Variants in OTUD7B observed in about 807,000 individuals in gnomAD.
OTUD7B encodes the protein OTU deubiquitinase 7B.
A neutral mutation model predicts 82.2 loss-of-function variants in OTUD7B; 34 were observed. The observed-to-expected ratio is 0.41, with a 90% confidence interval of 0.31 to 0.55. OTUD7B has a LOEUF of 0.55. Among genes scored for constraint, OTUD7B ranks in the 20% least tolerant of loss-of-function variants. The pLI is 0.20. For synonymous variants in OTUD7B, 398 were observed against 402.7 expected (o/e 0.99, Z 0.14); for missense variants, 944 against 1,062.1 (o/e 0.89, Z 1.55).
rs587757032 is a variant in OTUD7B, at chr1:149,943,567, A to G, written c.*290T>C. On this transcript the variant is annotated 3_prime_UTR_variant, in exon 12 of 12. Transcript: ENST00000581312. The stretch of plus-strand genomic sequence containing the variant: ...CTGCTACTTTCTCTTAGGTCCCTGG[A>G]TGGGACCCAGGAGGTTATAAGACAG... 11 of 312,858 alleles carry G rather than the reference A, an allele frequency of 3.5e-5. No individual in the cohort carries two copies. In the South Asian group the frequency reaches 6.9e-4, roughly 20 times the overall value. The allele number at this position is 312,858 out of a possible 1,614,324, so 19.4% of individuals were successfully genotyped here.
rs373718380 is a variant in OTUD7B at position 149,971,155 on chromosome 1, C to T, written c.182G>A (p.Gly61Asp). The T allele has an allele frequency of 6.2e-7, 1 of 1,613,734 alleles. No individual in the cohort carries two copies. Among genetic ancestry groups the T allele is most frequent in the African/African-American group, 1.3e-5 (1 of 74,882 alleles). ...NLPPSFSEGS[G>D]GSRTPEKGFS... ...CCCTTTTTCAGGGGTCCTGGAGCCA[C>T]CACTCCCCTCACTAAAGGATGGGGG... Residue 61 changes from glycine (G) to aspartate (D), a missense_variant, in exon 3 of 12, where the codon GGT becomes GAT. This residue lies in a region of OTUD7B where 530 missense variants were observed against 625.6 expected (regional missense o/e 0.85). Transcript: ENST00000581312.
chr1:150,013,939 T>TATAC (rs1653181639), upstream of OTUD7B, among the ~76,000 whole-genome samples: 1 of 99,992 alleles, frequency 1.0e-5, no homozygotes, highest in African/African-American at 3.8e-5. Context: ...AAAAAAATAA[T>TATAC]ATATATATAC....
intron 1 of OTUD7B, among the ~76,000 whole-genome samples, chr1:150,006,726 C>T (rs587752010): frequency 2.6e-4 from 40 of 152,258 alleles, no homozygotes; most frequent in Admixed American, 9.8e-4. Context: ...GAGGAGAATC[C>T]GGCCATAGTC....
At chr1:149,950,977 ATT>A (rs1458504169) in intron 7 of OTUD7B, among the ~76,000 whole-genome samples, 24 of 22,412 alleles carry the variant, frequency 1.1e-3, no homozygotes, top group African/African-American at 4.7e-3. Context: ...TACTTTTTGT[ATT>A]TTTTTTTTTT....
chr1:149,998,030 C>T (rs1652028921), intron 1 of OTUD7B, among the ~76,000 whole-genome samples: 1 of 152,108 alleles, frequency 6.6e-6, no homozygotes, highest in Non-Finnish European at 1.5e-5. Context: ...CCAAGGTACC[C>T]CACTTCGGAG....
chr1:150,051,831 T>C, the OTUD7B span, among the ~76,000 whole-genome samples: 1 of 152,046 alleles, frequency 6.6e-6, no homozygotes, highest in Non-Finnish European at 1.5e-5. Context: ...TGGAAAGATA[T>C]GTAAATAAAA....
At position 149,965,865 on chromosome 1, in the gene OTUD7B, C is replaced by T; in HGVS notation, c.516G>A (p.Trp172Ter). Residue 172 changes from tryptophan (W) to a stop codon, truncating the protein, a stop_gained, in exon 5 of 12, where the codon TGG becomes TGA. Coordinates refer to ENST00000581312, the MANE Select transcript of OTUD7B (RefSeq NM_020205.4). LOFTEE classifies it high-confidence loss of function. ...VALEQAGRLN[W>*]WVSVDPTSQR... The stretch of plus-strand genomic sequence containing the variant: ...GAGAGGTGGGATCCACACTCACCCA[C>T]CAGTTCAAACGCCCTGTAGAAACAA... 6.2e-7 allele frequency: 1 copy of T among 1,613,880 alleles called. No individual in the cohort carries two copies.
upstream of OTUD7B, among the ~76,000 whole-genome samples, chr1:150,015,290 C>CTTTTT (rs60374988): frequency 0.86 from 112,387 of 130,142 alleles, 48,475 homozygotes; most frequent in Middle Eastern, 0.95. Context: ...TTTTCTTTCT[C>CTTTTT]TTTTTTTTTT....
At chr1:150,028,869 T>C in the OTUD7B span, among the ~76,000 whole-genome samples, 1 of 152,154 alleles carries the variant, frequency 6.6e-6, no homozygotes, top group African/African-American at 2.4e-5. Context: ...AAATCATACA[T>C]ATAGTATTTG....
the OTUD7B span, among the ~76,000 whole-genome samples, chr1:150,053,401 CTT>C: frequency 6.9e-6 from 1 of 143,894 alleles, no homozygotes. Context: ...CTTTTTTTTT[CTT>C]TTTTTTTTTT....
At chr1:150,032,239 G>A in the OTUD7B span, among the ~76,000 whole-genome samples, 1 of 151,660 alleles carries the variant, frequency 6.6e-6, no homozygotes, top group South Asian at 2.1e-4. Flanking sequence ...TTGAACCCGG[G>A]AGGCGGAGGT....
chr1:150,020,083 G>A, the OTUD7B span, among the ~76,000 whole-genome samples: 22 of 152,182 alleles, frequency 1.4e-4, no homozygotes, highest in Non-Finnish European at 2.6e-4. Flanking sequence ...AACTGAGATC[G>A]CATCACTACA....
chr1:150,019,847 C>T, the OTUD7B span, among the ~76,000 whole-genome samples: 1 of 152,156 alleles, frequency 6.6e-6, no homozygotes, highest in Non-Finnish European at 1.5e-5. Context: ...TTATTTAGAA[C>T]CCAACCAGGC....
chr1:149,981,303 C>T (rs1650714505), intron 1 of OTUD7B, among the ~76,000 whole-genome samples: 1 of 152,198 alleles, frequency 6.6e-6, no homozygotes, highest in Admixed American at 6.5e-5. Context: ...CCTTCTATTA[C>T]ATCTCTGACA....
At chr1:150,018,090 A>G in the OTUD7B span, among the ~76,000 whole-genome samples, 2 of 152,214 alleles carry the variant, frequency 1.3e-5, no homozygotes, top group African/African-American at 4.8e-5. Flanking sequence ...TTGGAAAAAA[A>G]TTTAGAATTG....
chr1:150,062,527 G>A, the OTUD7B span, among the ~76,000 whole-genome samples: 1 of 151,998 alleles, frequency 6.6e-6, no homozygotes, highest in Non-Finnish European at 1.5e-5. Flanking sequence ...TTCTACCTGT[G>A]TTAGCTAGGA....
At position 149,985,659 on chromosome 1, in the gene OTUD7B, G is replaced by A. The variant is rs1651083109; in HGVS notation, c.-66-8083C>T. Among the ~76,000 whole-genome samples the A allele has an allele frequency of 2.6e-5, 4 of 151,436 alleles. No homozygotes were observed. The South Asian group carries it at 8.3e-4, about 31-fold the overall frequency. ...GCTACTCAGGAGGCTGAGGTGGGAGGATCACTTGAGCACAGAAGGTTGATG... is the reference window on the plus strand; with the variant it reads ...GCTACTCAGGAGGCTGAGGTGGGAGAATCACTTGAGCACAGAAGGTTGATG... On this transcript the variant is annotated intron_variant, in intron 1 of 11. Coordinates refer to ENST00000581312, the MANE Select transcript of OTUD7B (RefSeq NM_020205.4).
intron 1 of OTUD7B, among the ~76,000 whole-genome samples, chr1:149,987,818 G>A (rs1428831284): frequency 2.6e-5 from 4 of 152,140 alleles, no homozygotes; most frequent in African/African-American, 9.7e-5. Context: ...GGGTCCCTTA[G>A]TTGTACCTTC....
chr1:149,949,884 T>C, intron 8 of OTUD7B, 106 bp from the exon 9 acceptor site: 1 of 1,341,902 alleles, frequency 7.5e-7, no homozygotes, highest in South Asian at 1.4e-5. Context: ...CATTCCAACA[T>C]GTTTAATAAT....
Sources: allele counts gnomAD v4.1 joint callset (sites outside exome capture counted in the v4.1 genomes callset), GRCh38; gene constraint gnomAD v4.1.1; regional missense constraint gnomAD v4.1.1; transcripts MANE v1.5; gene names NCBI Gene and HGNC (gene_info 2026-07-23, HGNC 2026-07-21).